DLG2: variants seen among roughly 807,000 people sequenced by gnomAD.
DLG2 encodes discs large MAGUK scaffold protein 2, also known as disks large homolog 2.
Under a neutral mutation model 132.5 loss-of-function variants are expected in DLG2, and 45 were observed. The ratio of observed to expected loss-of-function variants is 0.34; its 90% CI spans 0.27 to 0.44. The LOEUF (loss-of-function observed/expected upper bound fraction) is 0.44, where lower values mean the gene tolerates loss of function less well. DLG2 is among the 20% of genes least tolerant of loss of function. The pLI, the probability that DLG2 is intolerant of heterozygous loss-of-function variation, is 1.00. For synonymous variants in DLG2, 424 were observed against 419.6 expected (o/e 1.01, Z -0.13); for missense variants, 1,045 against 1,196.9 (o/e 0.87, Z 1.87).
intron 6 of DLG2, among the ~76,000 whole-genome samples, chr11:84,897,936 C>G (rs2090413731): frequency 6.6e-6 from 1 of 151,724 alleles, no homozygotes; most frequent in African/African-American, 2.4e-5. Context: ...TACATAAGCT[C>G]CTATAAAAAA....
chr11:84,735,092 A>C (rs1003899784), intron 6 of DLG2, among the ~76,000 whole-genome samples: 3 of 152,024 alleles, frequency 2.0e-5, no homozygotes, highest in Non-Finnish European at 4.4e-5. Context: ...TATTGGTCTA[A>C]AATTCTCTTT....
chr11:84,809,546 A>T lies in DLG2; in HGVS notation c.358-274815T>A, dbSNP rs1038408398. 3.3e-5 allele frequency among the ~76,000 whole-genome samples: 5 copies of T among 152,046 alleles called. No individual in the cohort carries two copies. In the East Asian group the frequency reaches 9.7e-4, roughly 29 times the overall value. ...AATCCTAATGAACCTACAAAGAAAA[A>T]AATCTTCTAGAACCAATAAATAAGT... On this transcript the variant is annotated intron_variant, in intron 6 of 27. Transcript: ENST00000376104.
At chr11:83,573,344 A>G (rs958384038) in intron 19 of DLG2, among the ~76,000 whole-genome samples, 1 of 152,186 alleles carries the variant, frequency 6.6e-6, no homozygotes, top group Non-Finnish European at 1.5e-5. Context: ...TATCACTAAT[A>G]TAAGAGATGT....
chr11:85,467,929 C>T (rs2092849256), intron 3 of DLG2, among the ~76,000 whole-genome samples: 1 of 152,150 alleles, frequency 6.6e-6, no homozygotes, highest in Non-Finnish European at 1.5e-5. Flanking sequence ...AGCTGTGAAT[C>T]CATCTGGTCC....
chr11:83,723,193 C>T (rs1035755393), intron 18 of DLG2, among the ~76,000 whole-genome samples: 3 of 151,960 alleles, frequency 2.0e-5, no homozygotes, highest in African/African-American at 7.3e-5. Flanking sequence ...CCAGCCCGGC[C>T]AACATGATGA....
chr11:83,813,986 G>T (rs73515138), intron 17 of DLG2, among the ~76,000 whole-genome samples: 11,897 of 152,090 alleles, frequency 0.078, 806 homozygotes, highest in African/African-American at 0.18. Flanking sequence ...GAGTCAGGAT[G>T]CAGACTCACT....
intron 2 of DLG2, among the ~76,000 whole-genome samples, chr11:85,609,858 G>A (rs560883254): frequency 4.6e-5 from 7 of 152,306 alleles, no homozygotes; most frequent in South Asian, 2.1e-4. Context: ...GGGGAATCCT[G>A]GGACAGTCTG....
At chr11:84,893,770 G>A (rs2089791912) in intron 6 of DLG2, among the ~76,000 whole-genome samples, 2 of 152,100 alleles carry the variant, frequency 1.3e-5, no homozygotes, top group African/African-American at 2.4e-5. Flanking sequence ...CTGAGACATA[G>A]TAACTGTGTA....
chr11:85,488,965 T>G (rs535346343), intron 3 of DLG2, among the ~76,000 whole-genome samples: 2 of 151,788 alleles, frequency 1.3e-5, no homozygotes, highest in South Asian at 4.2e-4. Flanking sequence ...AAGAATCAGA[T>G]GATACCACTA....
chr11:84,222,935 A>G (rs533692686), intron 8 of DLG2, among the ~76,000 whole-genome samples: 1 of 152,340 alleles, frequency 6.6e-6, no homozygotes, highest in East Asian at 1.9e-4. Flanking sequence ...TGAGTTTAAT[A>G]CTTGGGTATA....
intron 4 of DLG2, among the ~76,000 whole-genome samples, chr11:85,260,974 T>A (rs1049845143): frequency 1.3e-5 from 2 of 152,202 alleles, no homozygotes; most frequent in Non-Finnish European, 2.9e-5. Flanking sequence ...GATTCTTTTT[T>A]TTTAATCTAA....
chr11:84,233,728 C>T (rs2097124672), intron 8 of DLG2, among the ~76,000 whole-genome samples: 1 of 152,226 alleles, frequency 6.6e-6, no homozygotes, highest in Non-Finnish European at 1.5e-5. Context: ...CATTTCACCA[C>T]AGATCCAGCA....
At chr11:85,108,189 G>C (rs149876487) in intron 6 of DLG2, among the ~76,000 whole-genome samples, 5 of 151,990 alleles carry the variant, frequency 3.3e-5, no homozygotes, top group Admixed American at 3.3e-4. Context: ...GAAAACCAAG[G>C]CTTTTTTGCA....
At chr11:84,100,773 G>A (rs1409337717) in intron 9 of DLG2, among the ~76,000 whole-genome samples, 1 of 152,034 alleles carries the variant, frequency 6.6e-6, no homozygotes, top group Non-Finnish European at 1.5e-5. Flanking sequence ...AGTCAGAAAG[G>A]TTCAATGTCA....
intron 3 of DLG2, among the ~76,000 whole-genome samples, chr11:85,287,938 A>G (rs1322094273): frequency 6.6e-6 from 1 of 152,146 alleles, no homozygotes; most frequent in African/African-American, 2.4e-5. Flanking sequence ...ATTTTTAAGC[A>G]TCCATACATA....
At chr11:84,540,340 T>C (rs933261850) in intron 6 of DLG2, among the ~76,000 whole-genome samples, 18 of 139,086 alleles carry the variant, frequency 1.3e-4, no homozygotes, top group Middle Eastern at 7.5e-3. Flanking sequence ...TAAACAAATT[T>C]ACAAGAAAAA....
At chr11:85,128,306 G>C (rs1472517947) in intron 5 of DLG2, among the ~76,000 whole-genome samples, 1 of 151,860 alleles carries the variant, frequency 6.6e-6, no homozygotes, top group African/African-American at 2.4e-5. Context: ...TACTATTTAA[G>C]ATACTTAACC....
rs117571079 is a variant in DLG2 at position 85,482,845 on chromosome 11, T to C, written c.40+115812A>G. Among the ~76,000 whole-genome samples the C allele has an allele frequency of 4.8e-4, 73 of 152,270 alleles. No homozygotes were observed. In the East Asian group the frequency reaches 0.013, roughly 27 times the overall value. On this transcript the variant is annotated intron_variant, in intron 3 of 27. Transcript: ENST00000376104. ...ACCCATGGTCCACCCCCAGTCCCAG[T>C]CTAGACCTTACAGACTAAGGCTCCA...
chr11:84,034,441 G>A (rs1003532359), intron 11 of DLG2, among the ~76,000 whole-genome samples: 1 of 152,160 alleles, frequency 6.6e-6, no homozygotes, highest in Non-Finnish European at 1.5e-5. Context: ...GGTCTAGAAT[G>A]AGACTGCAAT....
Sources: allele counts gnomAD v4.1 joint callset (sites outside exome capture counted in the v4.1 genomes callset), GRCh38; gene constraint gnomAD v4.1.1; transcripts MANE v1.5; gene names NCBI Gene and HGNC (gene_info 2026-07-23, HGNC 2026-07-21).